The following REC114 variants were observed in gnomAD, a reference collection of about 807,000 sequenced individuals.
REC114 encodes the protein meiotic recombination protein REC114.
Under a neutral mutation model 31.3 loss-of-function variants are expected in REC114, and 27 were observed. That is an observed-to-expected ratio of 0.86 (90% CI 0.64 to 1.19). The LOEUF (loss-of-function observed/expected upper bound fraction) is 1.19, where lower values mean the gene tolerates loss of function less well. Among genes scored for constraint, REC114 ranks in the 50% most tolerant of loss-of-function variants. The pLI, the probability that REC114 is intolerant of heterozygous loss-of-function variation, is 0.00. For synonymous variants in REC114, 134 were observed against 127.7 expected (o/e 1.05, Z -0.33); for missense variants, 344 against 326.9 (o/e 1.05, Z -0.40).
chr15:73,446,289 G>T (rs1232486768), intron 1 of REC114, among the ~76,000 whole-genome samples: 2 of 152,172 alleles, frequency 1.3e-5, no homozygotes, highest in Non-Finnish European at 2.9e-5. Flanking sequence ...GTGCACACAT[G>T]CATACATGTT....
At chr15:73,481,479 T>C (rs1893292659) in intron 2 of REC114, among the ~76,000 whole-genome samples, 1 of 152,066 alleles carries the variant, frequency 6.6e-6, no homozygotes, top group Non-Finnish European at 1.5e-5. Flanking sequence ...GCAAGAAGGC[T>C]GAGATATCTT....
chr15:73,491,021 A>T (rs961023731), intron 2 of REC114, among the ~76,000 whole-genome samples: 4 of 152,206 alleles, frequency 2.6e-5, no homozygotes, highest in African/African-American at 4.8e-5. Context: ...TTAAAGAAGA[A>T]CATCGTACAT....
At chr15:73,527,780 A>G (rs1222033649) in intron 2 of REC114, among the ~76,000 whole-genome samples, 1 of 152,200 alleles carries the variant, frequency 6.6e-6, no homozygotes, top group African/African-American at 2.4e-5. Context: ...TAACATCTAC[A>G]ACTAAAACTA....
At chr15:73,535,597 T>G (rs568010998) in intron 2 of REC114, among the ~76,000 whole-genome samples, 1 of 147,608 alleles carries the variant, frequency 6.8e-6, no homozygotes, top group South Asian at 2.3e-4. Context: ...ATGGCCATAC[T>G]GCCCAAGGTA....
intron 2 of REC114, among the ~76,000 whole-genome samples, chr15:73,509,286 G>A (rs1186704518): frequency 7.4e-6 from 1 of 135,288 alleles, no homozygotes; most frequent in Non-Finnish European, 1.5e-5. Flanking sequence ...ACTTTTTGAT[G>A]GGGTTGTTTT....
In REC114 at chr15:73,530,747, A is replaced by ATTT. The variant is rs61336545; in HGVS notation, c.250-9729_250-9727dup. 4.7e-5 allele frequency among the ~76,000 whole-genome samples: 7 copies of ATTT among 149,656 alleles called. No homozygotes were observed. In the East Asian group the frequency reaches 9.8e-4, roughly 21 times the overall value. On this transcript the variant is annotated intron_variant, in intron 2 of 5. Coordinates refer to ENST00000331090, the MANE Select transcript of REC114 (RefSeq NM_001042367.2). ...ATTTGTAGCAATTCTCTTATCATGG[A>ATTT]TTTTTTTTTTTCTGTTTTCAGTGAA...
chr15:73,520,738 A>C (rs1893926326), intron 2 of REC114, among the ~76,000 whole-genome samples: 1 of 152,160 alleles, frequency 6.6e-6, no homozygotes, highest in African/African-American at 2.4e-5. Flanking sequence ...TTCTCTTTTA[A>C]ATAGTCCATT....
At chr15:73,528,725 T>G (rs1203012674) in intron 2 of REC114, among the ~76,000 whole-genome samples, 3 of 152,256 alleles carry the variant, frequency 2.0e-5, no homozygotes, top group African/African-American at 7.2e-5. Flanking sequence ...TTTGTTTATG[T>G]ATTGTTTGTG....
At chr15:73,453,590 ACC>A (rs1251989778) in intron 1 of REC114, among the ~76,000 whole-genome samples, 3 of 152,158 alleles carry the variant, frequency 2.0e-5, no homozygotes, top group Non-Finnish European at 2.9e-5. Flanking sequence ...AACTAGAAAT[ACC>A]ATTTGACCCA....
intron 1 of REC114, among the ~76,000 whole-genome samples, chr15:73,469,265 G>A (rs564032130): frequency 6.6e-5 from 10 of 152,178 alleles, no homozygotes; most frequent in East Asian, 3.9e-4. Context: ...TTACTGCTTC[G>A]TGTATTTTTA....
chr15:73,551,326 TAGGC>T (rs1343445520), intron 4 of REC114, among the ~76,000 whole-genome samples, 176 bp downstream of exon 4: 1 of 152,134 alleles, frequency 6.6e-6, no homozygotes, highest in Non-Finnish European at 1.5e-5. Context: ...ATTCAGAAAT[TAGGC>T]AGGGAGGAGT....
At chr15:73,559,725 G>C in intron 5 of REC114, 27 bp from the exon 6 acceptor site, 2 of 1,518,572 alleles carry the variant, frequency 1.3e-6, no homozygotes, top group Non-Finnish European at 1.8e-6. Context: ...CCTGTAATCT[G>C]TAACGACTTT....
At chr15:73,547,977 A>G (rs1894334045) in intron 3 of REC114, among the ~76,000 whole-genome samples, 1 of 152,230 alleles carries the variant, frequency 6.6e-6, no homozygotes, top group Admixed American at 6.5e-5. Context: ...AAGTAAACAC[A>G]AAACCTATAG....
intron 2 of REC114, among the ~76,000 whole-genome samples, chr15:73,478,263 CAAAAAAAAAAAA>C (rs57210193): frequency 3.5e-4 from 14 of 40,332 alleles, no homozygotes; most frequent in Admixed American, 5.7e-4. Flanking sequence ...GACTCTGTCT[CAAAAAAAAAAAA>C]AAAAAAAAAA....
At chr15:73,453,751 A>C (rs1265795676) in intron 1 of REC114, among the ~76,000 whole-genome samples, 2 of 152,220 alleles carry the variant, frequency 1.3e-5, no homozygotes, top group African/African-American at 4.8e-5. Context: ...TGGATAAAGA[A>C]AATGTGGCAC....
At chr15:73,534,548 A>G (rs1464646941) in intron 2 of REC114, among the ~76,000 whole-genome samples, 1 of 152,134 alleles carries the variant, frequency 6.6e-6, no homozygotes, top group East Asian at 1.9e-4. Context: ...ATAGCTTACC[A>G]ACCAAAAAGA....
intron 3 of REC114, among the ~76,000 whole-genome samples, chr15:73,547,791 A>T (rs1342154993): frequency 2.0e-5 from 3 of 152,208 alleles, no homozygotes; most frequent in Non-Finnish European, 4.4e-5. Context: ...TGGATTAGAG[A>T]CTTAAATGTA....
intron 2 of REC114, among the ~76,000 whole-genome samples, chr15:73,480,966 C>A (rs894196590): frequency 2.0e-5 from 3 of 152,204 alleles, no homozygotes; most frequent in African/African-American, 7.2e-5. Context: ...GCCACCGCAC[C>A]TGGCCTTAGA....
intron 5 of REC114, 28 bp downstream of exon 5, chr15:73,556,419 C>G: frequency 1.9e-6 from 3 of 1,587,698 alleles, no homozygotes; most frequent in Non-Finnish European, 2.6e-6. Context: ...GTTCAATTTT[C>G]TTGTCATGAG....
Sources: gnomAD v4.1 joint callset for allele counts (sites outside exome capture counted in the v4.1 genomes callset) on GRCh38, gnomAD v4.1.1 for gene constraint, MANE v1.5 for transcripts, NCBI Gene and HGNC (gene_info 2026-07-23, HGNC 2026-07-21) for gene names.